NPAS3: variants seen among roughly 807,000 people sequenced by gnomAD.
The protein encoded by NPAS3 is neuronal PAS domain protein 3.
NPAS3 carries 14 observed loss-of-function variants against 73.1 expected under a neutral mutation model. That is an observed-to-expected ratio of 0.19 (90% confidence interval 0.13 to 0.30). NPAS3 has a LOEUF of 0.30. Among genes scored for constraint, NPAS3 ranks in the 10% least tolerant of loss-of-function variants. The pLI, the probability that NPAS3 is intolerant of heterozygous loss-of-function variation, is 1.00. For synonymous variants in NPAS3, 620 were observed against 541.5 expected, an observed-to-expected ratio of 1.14 and a Z score of -2.01; for missense variants, 1,096 against 1,250.0, an observed-to-expected ratio of 0.88 and a Z score of 1.86.
intron 4 of NPAS3, among the ~76,000 whole-genome samples, chr14:33,465,646 A>G (rs1292516496): frequency 1.3e-5 from 2 of 152,210 alleles, no homozygotes; most frequent in African/African-American, 2.4e-5. Context: ...CCAAAGGCAT[A>G]TAGTTTACAA....
At chr14:33,410,587 C>T (rs190250501) in intron 4 of NPAS3, among the ~76,000 whole-genome samples, 97 of 152,294 alleles carry the variant, frequency 6.4e-4, no homozygotes, top group African/African-American at 2.2e-3. Context: ...TTCAAGGCTC[C>T]TTCTGTCAGA....
At chr14:33,661,834 T>C (rs560745088) in intron 5 of NPAS3, among the ~76,000 whole-genome samples, 60 of 152,364 alleles carry the variant, frequency 3.9e-4, no homozygotes, top group South Asian at 2.9e-3. Context: ...TGGATTTTGA[T>C]TGACTCTTAA....
Position 33,750,258 on chromosome 14 carries a change from T to A in NPAS3, c.852+14926T>A, listed in dbSNP as rs373511937. Among the ~76,000 whole-genome samples the A allele has an allele frequency of 1.6e-4, 25 of 152,080 alleles. No individual in the cohort carries two copies. In the East Asian group the frequency reaches 3.9e-3, roughly 24 times the overall value. On this transcript the variant is annotated intron_variant, in intron 7 of 11. Coordinates refer to ENST00000356141, the Ensembl canonical transcript of NPAS3. ...CAGCATCATTAGTACTCTGTCATTC[T>A]AATAATAATAATTCCCTTTTGACAT... is the stretch of plus-strand genomic sequence containing the variant.
At chr14:33,039,416 T>G (rs1429704099) in intron 1 of NPAS3, among the ~76,000 whole-genome samples, 1 of 152,218 alleles carries the variant, frequency 6.6e-6, no homozygotes, top group Non-Finnish European at 1.5e-5. Context: ...TCATCATGAT[T>G]CAGTGTGAAA....
chr14:33,485,486 A>G (rs748847310), intron 4 of NPAS3, among the ~76,000 whole-genome samples: 1 of 152,118 alleles, frequency 6.6e-6, no homozygotes, highest in Non-Finnish European at 1.5e-5. Flanking sequence ...ACTTCTGGAA[A>G]CTTTGGATCT....
intron 2 of NPAS3, among the ~76,000 whole-genome samples, chr14:33,172,115 C>A (rs1054942020): frequency 5.3e-5 from 8 of 152,108 alleles, no homozygotes; most frequent in African/African-American, 1.9e-4. Context: ...TGATCACCCA[C>A]CACATAACAG....
chr14:33,319,133 A>ATAGTTTGGT (rs1325517449), intron 3 of NPAS3, among the ~76,000 whole-genome samples: 15 of 151,550 alleles, frequency 9.9e-5, no homozygotes, highest in African/African-American at 3.6e-4. Context: ...CTCTAGTTGG[A>ATAGTTTGGT]TAGTTTGGTC....
chr14:33,056,833 A>G (rs556460732), intron 2 of NPAS3, among the ~76,000 whole-genome samples: 40 of 152,340 alleles, frequency 2.6e-4, no homozygotes, highest in Non-Finnish European at 3.8e-4. Context: ...CCTATGGAAA[A>G]TGGAAAGTAA....
chr14:33,492,210 C>A (rs149995130), intron 4 of NPAS3, among the ~76,000 whole-genome samples: 1,883 of 152,162 alleles, frequency 0.012, 26 homozygotes, highest in Non-Finnish European at 0.021. Context: ...GAGAGTAAAT[C>A]CCTAATTAGC....
At chr14:32,944,698 TTAGTAATAC>T (rs1355306710) in intron 1 of NPAS3, among the ~76,000 whole-genome samples, 8 of 152,230 alleles carry the variant, frequency 5.3e-5, no homozygotes, top group African/African-American at 1.9e-4. Context: ...TGTAGTAATA[TTAGTAATAC>T]TACAATGCAT....
intron 1 of NPAS3, among the ~76,000 whole-genome samples, chr14:33,009,984 A>G (rs2139635324): frequency 6.6e-6 from 1 of 152,348 alleles, no homozygotes; most frequent in South Asian, 2.1e-4. Context: ...TCCACGATTC[A>G]GTTACTTCCA....
chr14:32,937,448 T>A (rs2035732375), upstream of NPAS3, among the ~76,000 whole-genome samples: 1 of 152,136 alleles, frequency 6.6e-6, no homozygotes, highest in Non-Finnish European at 1.5e-5. Context: ...CTGGGTGTCC[T>A]GGAGCCAAAA....
intron 5 of NPAS3, among the ~76,000 whole-genome samples, chr14:33,610,334 G>A (rs1004662311): frequency 6.6e-6 from 1 of 152,122 alleles, no homozygotes; most frequent in African/African-American, 2.4e-5. Context: ...TGGCCTGGAA[G>A]ATGATTTTCA....
intron 6 of NPAS3, among the ~76,000 whole-genome samples, chr14:33,681,884 G>T (rs1046280335): frequency 6.6e-6 from 1 of 150,900 alleles, no homozygotes; most frequent in South Asian, 2.1e-4. Context: ...AAGGGTAAGT[G>T]ACAAACAGTG....
chr14:33,693,634 CTT>C, intron 6 of NPAS3, among the ~76,000 whole-genome samples: 1 of 152,274 alleles, frequency 6.6e-6, no homozygotes, highest in Admixed American at 6.5e-5. Context: ...GTAATTATCT[CTT>C]TTGCCAAAGA....
chr14:33,184,368 G>A (rs2045910587), intron 2 of NPAS3, among the ~76,000 whole-genome samples: 1 of 152,132 alleles, frequency 6.6e-6, no homozygotes, highest in African/African-American at 2.4e-5. Context: ...AGGTGTGCCT[G>A]GAGTATCAGT....
intron 2 of NPAS3, among the ~76,000 whole-genome samples, chr14:33,159,553 C>CTTTTTT (rs11389432): frequency 5.8e-5 from 7 of 121,406 alleles, no homozygotes; most frequent in Non-Finnish European, 1.2e-4. Flanking sequence ...TTATAATGAG[C>CTTTTTT]TTTTTTTTTT....
At chr14:32,999,136 T>TA (rs909875284) in intron 1 of NPAS3, among the ~76,000 whole-genome samples, 6 of 152,224 alleles carry the variant, frequency 3.9e-5, no homozygotes, top group Admixed American at 6.5e-5. Flanking sequence ...TTGATTGTGG[T>TA]AAAAAAATTC....
At chr14:33,426,256 A>C (rs1200201311) in intron 4 of NPAS3, among the ~76,000 whole-genome samples, 13 of 152,132 alleles carry the variant, frequency 8.5e-5, no homozygotes, top group African/African-American at 2.4e-5. Flanking sequence ...TGGATGCAGA[A>C]GCAGATAGGC....
Sources: allele counts gnomAD v4.1 joint callset (sites outside exome capture counted in the v4.1 genomes callset), GRCh38; gene constraint gnomAD v4.1.1; transcripts MANE v1.5; gene names NCBI Gene and HGNC (gene_info 2026-07-23, HGNC 2026-07-21).